Variants in TECRL observed in about 807,000 individuals in gnomAD.
TECRL encodes the protein trans-2,3-enoyl-CoA reductase like.
A neutral mutation model predicts 52.8 loss-of-function variants in TECRL; 63 were observed. The observed-to-expected ratio is 1.19, with a 90% CI of 0.97 to 1.47. The LOEUF (loss-of-function observed/expected upper bound fraction) is 1.47, where lower values mean the gene tolerates loss of function less well. TECRL is among the 40% of genes most tolerant of loss of function. The pLI is 0.00. For missense variants in TECRL, 482 were observed against 429.6 expected (o/e 1.12, Z -1.08); for synonymous variants, 164 against 141.9 (o/e 1.16, Z -1.10).
chr4:64,318,415 T>C (rs1021406693), intron 4 of TECRL, among the ~76,000 whole-genome samples: 3 of 151,954 alleles, frequency 2.0e-5, no homozygotes, highest in African/African-American at 7.2e-5. Flanking sequence ...GGACAAGAAA[T>C]AGTTGAATAG....
At chr4:64,362,358 G>A (rs1430907467) in intron 2 of TECRL, among the ~76,000 whole-genome samples, 1 of 151,912 alleles carries the variant, frequency 6.6e-6, no homozygotes, top group Non-Finnish European at 1.5e-5. Flanking sequence ...GAACCACTGA[G>A]GGATGCTATG....
At chr4:64,364,084 A>G (rs942294390) in intron 2 of TECRL, among the ~76,000 whole-genome samples, 1 of 152,144 alleles carries the variant, frequency 6.6e-6, no homozygotes, top group Non-Finnish European at 1.5e-5. Context: ...CAAAATAAAA[A>G]TAGAAATCAA....
chr4:64,368,709 C>A (rs1412186393), intron 2 of TECRL, among the ~76,000 whole-genome samples: 1 of 151,990 alleles, frequency 6.6e-6, no homozygotes, highest in Admixed American at 6.6e-5. Context: ...TCATTGGGTG[C>A]ATTTATCATT....
chr4:64,353,808 AAG>A (rs1720566713), intron 2 of TECRL, among the ~76,000 whole-genome samples: 1 of 152,142 alleles, frequency 6.6e-6, no homozygotes, highest in African/African-American at 2.4e-5. Flanking sequence ...AAATAAAAAA[AAG>A]TAGAATTAAA....
At chr4:64,361,744 T>C (rs527464002) in intron 2 of TECRL, among the ~76,000 whole-genome samples, 1 of 152,156 alleles carries the variant, frequency 6.6e-6, no homozygotes, top group South Asian at 2.1e-4. Flanking sequence ...ATTAAGGAAA[T>C]ATCAGCCCAC....
At chr4:64,380,054 G>A (rs1577965562) in intron 1 of TECRL, among the ~76,000 whole-genome samples, 1 of 152,028 alleles carries the variant, frequency 6.6e-6, no homozygotes, top group Admixed American at 6.6e-5. Context: ...AGCCTCACCA[G>A]CATTTGTTTT....
chr4:64,387,904 A>G (rs1398786529), intron 1 of TECRL, among the ~76,000 whole-genome samples: 2 of 151,848 alleles, frequency 1.3e-5, no homozygotes, highest in African/African-American at 4.8e-5. Flanking sequence ...ATAAATATAT[A>G]TTACATACAT....
At chr4:64,306,840 T>C (rs1388686790) in intron 6 of TECRL, among the ~76,000 whole-genome samples, 2 of 152,172 alleles carry the variant, frequency 1.3e-5, no homozygotes, top group Non-Finnish European at 2.9e-5. Flanking sequence ...GAGGCTTATT[T>C]TGAGGGATGC....
intron 2 of TECRL, among the ~76,000 whole-genome samples, chr4:64,357,455 C>T (rs1308170058): frequency 1.3e-5 from 2 of 151,344 alleles, no homozygotes; most frequent in African/African-American, 4.8e-5. Flanking sequence ...AATCATGTTA[C>T]AAAATAAATG....
chr4:64,361,172 G>T (rs867485210), intron 2 of TECRL, among the ~76,000 whole-genome samples: 1 of 152,046 alleles, frequency 6.6e-6, no homozygotes, highest in Admixed American at 6.6e-5. Flanking sequence ...TTCACCAGCT[G>T]ACCCTGACTA....
At chr4:64,346,490 C>G (rs1399912159) in intron 2 of TECRL, among the ~76,000 whole-genome samples, 3 of 152,256 alleles carry the variant, frequency 2.0e-5, no homozygotes, top group African/African-American at 7.2e-5. Context: ...TTCTGTGTAC[C>G]TGCAGGCTCA....
At chr4:64,365,813 T>C (rs1478193918) in intron 2 of TECRL, among the ~76,000 whole-genome samples, 1 of 152,034 alleles carries the variant, frequency 6.6e-6, no homozygotes, top group Non-Finnish European at 1.5e-5. Context: ...ACCAAAGCGA[T>C]GTACAGACTC....
intron 7 of TECRL, among the ~76,000 whole-genome samples, chr4:64,300,835 C>A (rs371632261): frequency 8.0e-5 from 12 of 150,918 alleles, no homozygotes; most frequent in African/African-American, 2.4e-4. Flanking sequence ...ATTGTCATAA[C>A]GGTAATTGAA....
chr4:64,400,832 C>T (rs1056600892), intron 1 of TECRL, among the ~76,000 whole-genome samples: 13 of 152,132 alleles, frequency 8.5e-5, no homozygotes, highest in Non-Finnish European at 1.8e-4. Context: ...TGCCACTAGG[C>T]TTCCTGTACA....
At chr4:64,390,850 T>C (rs1723499428) in intron 1 of TECRL, among the ~76,000 whole-genome samples, 1 of 151,858 alleles carries the variant, frequency 6.6e-6, no homozygotes, top group Non-Finnish European at 1.5e-5. Context: ...TAAAGATTTA[T>C]GTTACAGTTT....
intron 1 of TECRL, among the ~76,000 whole-genome samples, chr4:64,395,057 C>T (rs369961357): frequency 2.7e-5 from 4 of 150,678 alleles, no homozygotes; most frequent in Admixed American, 2.7e-4. Flanking sequence ...GTATTACAGG[C>T]ACCTCGTCCA....
chr4:64,338,980 A>G (rs2110068411), intron 2 of TECRL, among the ~76,000 whole-genome samples: 1 of 152,228 alleles, frequency 6.6e-6, no homozygotes, highest in South Asian at 2.1e-4. Flanking sequence ...AGACACATGC[A>G]CATGTATGTT....
intron 2 of TECRL, among the ~76,000 whole-genome samples, chr4:64,354,040 T>G (rs978809266): frequency 1.3e-5 from 2 of 152,118 alleles, no homozygotes; most frequent in African/African-American, 4.8e-5. Flanking sequence ...AGTTGAAAGT[T>G]CAAACTAGAC....
intron 2 of TECRL, among the ~76,000 whole-genome samples, chr4:64,352,422 TA>T (rs1720465321): frequency 6.6e-6 from 1 of 152,194 alleles, no homozygotes; most frequent in Admixed American, 6.5e-5. Flanking sequence ...GATACATAGA[TA>T]GAGATAGTAT....
Sources: allele counts gnomAD v4.1 joint callset (sites outside exome capture counted in the v4.1 genomes callset), GRCh38; gene constraint gnomAD v4.1.1; transcripts MANE v1.5; gene names NCBI Gene and HGNC (gene_info 2026-07-23, HGNC 2026-07-21).